The following HIVEP3 variants were observed in gnomAD, a reference collection of about 807,000 sequenced individuals.
HIVEP3 encodes transcription factor HIVEP3.
In HIVEP3, 49 loss-of-function variants were observed where a neutral mutation model predicts 152.8. That is an observed-to-expected ratio of 0.32 (90% confidence interval 0.26 to 0.41). HIVEP3 has a LOEUF of 0.41. Among genes scored for constraint, HIVEP3 ranks in the 10% least tolerant of loss-of-function variants. The pLI is 1.00. For missense variants in HIVEP3, 2,790 were observed against 3,103.3 expected (o/e 0.90, Z 2.40); for synonymous variants, 1,269 against 1,289.0 (o/e 0.98, Z 0.33).
chr1:41,708,933 G>A (rs1258157530), intron 1 of HIVEP3, among the ~76,000 whole-genome samples: 2 of 152,160 alleles, frequency 1.3e-5, no homozygotes, highest in Admixed American at 1.3e-4. Flanking sequence ...TCCAGTGATT[G>A]GCTCATATGA....
intron 1 of HIVEP3, among the ~76,000 whole-genome samples, chr1:41,726,410 A>G (rs1204038950): frequency 6.6e-6 from 1 of 152,210 alleles, no homozygotes; most frequent in Non-Finnish European, 1.5e-5. Flanking sequence ...AGGCCCTTTG[A>G]GAAGCTGTTA....
At chr1:41,861,170 AC>A (rs1021604481) in intron 1 of HIVEP3, among the ~76,000 whole-genome samples, 2 of 152,048 alleles carry the variant, frequency 1.3e-5, no homozygotes, top group African/African-American at 2.4e-5. Flanking sequence ...AAACTCCTAC[AC>A]CATGCTCCAT....
In HIVEP3 at chr1:41,582,154, C is replaced by T. The variant is rs1644421078; in HGVS notation, c.2644G>A (p.Glu882Lys). Residue 882 changes from glutamate to lysine, a missense_variant, in exon 4 of 9, where the codon GAG (glutamate) becomes AAG (lysine). Glu to Lys is a moderately conservative substitution (Grantham distance 56). Around this residue, in one of 9 missense-constraint regions of HIVEP3, gnomAD observed 1,078 missense variants for 1,165.3 expected, o/e 0.93. Coordinates refer to ENST00000372583, the MANE Select transcript of HIVEP3 (RefSeq NM_024503.5). This position sits in a 1 kb window ranked among gnomAD's most constrained non-coding sequence, Gnocchi z 4.7. The stretch of plus-strand genomic sequence containing the variant: ...CTGCGCTGGGGCCATTGGAACTCCT[C>T]AGTCTTCTCAGGTTCCTTAGGGGGC... ...EPPPKEPEKTEEFQWPQRSQT... is the reference protein window; with the variant it reads ...EPPPKEPEKTKEFQWPQRSQT... The T allele has an allele frequency of 6.2e-7, 1 of 1,613,898 alleles. No homozygotes were observed. Among genetic ancestry groups the T allele is most frequent in the Non-Finnish European group, 8.5e-7 (1 of 1,179,974 alleles).
chr1:41,788,333 T>A (rs1649489914), intron 1 of HIVEP3, among the ~76,000 whole-genome samples: 1 of 152,186 alleles, frequency 6.6e-6, no homozygotes, highest in African/African-American at 2.4e-5. Context: ...CTTAGAGGAC[T>A]CCTCAGAATC....
chr1:42,021,141 C>G (rs942201177), intron 1 of HIVEP3, among the ~76,000 whole-genome samples: 1 of 152,028 alleles, frequency 6.6e-6, no homozygotes, highest in African/African-American at 2.4e-5. Flanking sequence ...ACTGTTCTAA[C>G]GAATGTGTGT....
intron 1 of HIVEP3, among the ~76,000 whole-genome samples, chr1:41,959,061 G>A: frequency 6.6e-6 from 1 of 152,160 alleles, no homozygotes; most frequent in South Asian, 2.1e-4. Context: ...TTATGCAATG[G>A]CTCATGAATG....
chr1:41,617,274 T>A (rs772399600), intron 3 of HIVEP3, among the ~76,000 whole-genome samples: 2 of 152,218 alleles, frequency 1.3e-5, no homozygotes, highest in Non-Finnish European at 2.9e-5. Context: ...AGGCCGGATT[T>A]CCAGAAGTGG....
At chr1:41,988,407 A>G (rs1013005079) in intron 1 of HIVEP3, among the ~76,000 whole-genome samples, 5 of 152,224 alleles carry the variant, frequency 3.3e-5, no homozygotes, top group African/African-American at 1.2e-4. Flanking sequence ...ACATGGGCAA[A>G]GGATCTGAAA....
At position 41,568,517 on chromosome 1, in the gene HIVEP3, C is replaced by T. The variant is rs150902366; in HGVS notation, c.5207+7027G>A. 5.1e-3 allele frequency among the ~76,000 whole-genome samples: 773 copies of T among 152,264 alleles called. 3 individuals are homozygous for T. The highest frequency in any genetic ancestry group is 0.018 in the African/African-American group (741 of 41,554). ...GCGTAGGAGCGGCAGGGTGTGTGGA[C>T]CTTAACAGGATCACTCTTGTTGGGC... On this transcript the variant is annotated intron_variant, in intron 5 of 8. Coordinates refer to ENST00000372583, the MANE Select transcript of HIVEP3 (RefSeq NM_024503.5).
intron 2 of HIVEP3, among the ~76,000 whole-genome samples, chr1:41,648,428 G>A (rs1258855780): frequency 6.6e-6 from 1 of 152,124 alleles, no homozygotes; most frequent in Non-Finnish European, 1.5e-5. Context: ...AGGTGGCAGG[G>A]CCCAGACTGG....
chr1:41,944,294 A>G (rs1645062965), intron 1 of HIVEP3, among the ~76,000 whole-genome samples: 1 of 152,238 alleles, frequency 6.6e-6, no homozygotes, highest in African/African-American at 2.4e-5. Flanking sequence ...ATTTTGTCAC[A>G]ATTAAAAACA....
intron 6 of HIVEP3, among the ~76,000 whole-genome samples, chr1:41,519,025 A>G (rs1642687523): frequency 6.6e-6 from 1 of 152,134 alleles, no homozygotes. Flanking sequence ...AGGTAGAGAA[A>G]CCAGGGCAAA....
intron 2 of HIVEP3, among the ~76,000 whole-genome samples, chr1:41,685,599 A>T (rs1646102491): frequency 6.6e-6 from 1 of 152,216 alleles, no homozygotes; most frequent in South Asian, 2.1e-4. Flanking sequence ...GGAAGAGATC[A>T]TCTTTCTCTC....
chr1:41,668,221 G>A (rs987424137), intron 2 of HIVEP3, among the ~76,000 whole-genome samples: 4 of 152,246 alleles, frequency 2.6e-5, no homozygotes, highest in Admixed American at 6.5e-5. Context: ...CTGTGCTCAG[G>A]CAGCTCACAG....
chr1:41,750,092 A>C (rs1647136455), intron 1 of HIVEP3, among the ~76,000 whole-genome samples: 1 of 152,180 alleles, frequency 6.6e-6, no homozygotes, highest in Admixed American at 6.5e-5. Context: ...CCTGGGTGGA[A>C]TCTTGGCTCT....
chr1:41,786,981 A>G (rs1649387780), intron 1 of HIVEP3, among the ~76,000 whole-genome samples: 1 of 152,076 alleles, frequency 6.6e-6, no homozygotes, highest in African/African-American at 2.4e-5. Flanking sequence ...CAAACTCCTG[A>G]CCTCAAGTGA....
intron 1 of HIVEP3, among the ~76,000 whole-genome samples, chr1:41,745,642 G>A (rs1180132157): frequency 6.6e-6 from 1 of 152,206 alleles, no homozygotes; most frequent in African/African-American, 2.4e-5. Flanking sequence ...CTCGACAGAG[G>A]GAGGGGTCCC....
intron 1 of HIVEP3, among the ~76,000 whole-genome samples, chr1:41,979,417 A>G (rs893248459): frequency 6.6e-6 from 1 of 152,150 alleles, no homozygotes; most frequent in African/African-American, 2.4e-5. Flanking sequence ...GAGGAAACTG[A>G]GGTTCAAAGA....
chr1:41,988,634 G>T (rs1190702950), intron 1 of HIVEP3, among the ~76,000 whole-genome samples: 2 of 152,190 alleles, frequency 1.3e-5, no homozygotes, highest in Admixed American at 6.5e-5. Context: ...AGATAGTACA[G>T]CCATTATGAA....
Sources: allele counts gnomAD v4.1 joint callset (sites outside exome capture counted in the v4.1 genomes callset), GRCh38; gene constraint gnomAD v4.1.1; regional missense constraint gnomAD v4.1.1; non-coding constraint Gnocchi (gnomAD v3.1); transcripts MANE v1.5; gene names NCBI Gene and HGNC (gene_info 2026-07-23, HGNC 2026-07-21).